Variants in KIAA1671 observed in about 807,000 individuals in gnomAD.
KIAA1671 encodes uncharacterized protein KIAA1671.
A neutral mutation model predicts 131.2 loss-of-function variants in KIAA1671; 52 were observed. That is an observed-to-expected ratio of 0.40 (90% confidence interval 0.32 to 0.50). KIAA1671 has a LOEUF of 0.50. KIAA1671 is among the 20% of genes least tolerant of loss of function. KIAA1671 has a pLI of 0.73. For synonymous variants in KIAA1671, 1,003 were observed against 961.6 expected (o/e 1.04, Z -0.80); for missense variants, 2,360 against 2,364.2 (o/e 1.00, Z 0.04).
chr22:24,957,094 A>G (rs1451288171), intron 1 of KIAA1671, among the ~76,000 whole-genome samples: 1 of 152,134 alleles, frequency 6.6e-6, no homozygotes, highest in Non-Finnish European at 1.5e-5. Flanking sequence ...CCCCGTGTCT[A>G]TGCTCTGTAA....
chr22:24,960,190 C>T (rs1486909859), intron 1 of KIAA1671, among the ~76,000 whole-genome samples: 1 of 151,384 alleles, frequency 6.6e-6, no homozygotes, highest in Admixed American at 6.6e-5. Flanking sequence ...TAATTTCACA[C>T]GTGAATTAAA....
intron 11 of KIAA1671, among the ~76,000 whole-genome samples, chr22:25,189,140 T>G (rs1359273982): frequency 4.0e-5 from 6 of 149,628 alleles, no homozygotes; most frequent in Non-Finnish European, 7.4e-5. Flanking sequence ...TTTTTTTTTT[T>G]TTTTTGTTTT....
At position 25,038,900 on chromosome 22, in the gene KIAA1671, A is replaced by G; in HGVS notation, c.1770A>G (p.Ser590=). Residue 590 remains serine, a synonymous_variant, in exon 5 of 13, where the codon TCA becomes TCG. Transcript: ENST00000358431. ...CCGACAGCTGTCGCGGTGGAAGCTC[A>G]GTGGAGGCCCCGTGCCCTTCTGACG... ...QDPDSCRGGS[S]VEAPCPSDVT... 1 of 1,551,730 alleles carries G rather than the reference A, an allele frequency of 6.4e-7. No homozygotes were observed. Among genetic ancestry groups the G allele is most frequent in the Non-Finnish European group, 8.7e-7 (1 of 1,147,006 alleles).
At chr22:25,157,890 C>G (rs1192272519) in intron 6 of KIAA1671, among the ~76,000 whole-genome samples, 1 of 151,820 alleles carries the variant, frequency 6.6e-6, no homozygotes, top group African/African-American at 2.4e-5. Flanking sequence ...GGCACGATCT[C>G]AGCTTACTGC....
chr22:25,029,505 C>T lies in KIAA1671; in HGVS notation c.1506C>T (p.Phe502=). The change falls in exon 3 of 13, where the codon TTC becomes TTT. Residue 502 remains phenylalanine (F), a synonymous_variant. Coordinates refer to ENST00000358431, the MANE Select transcript of KIAA1671 (RefSeq NM_001145206.2). ...EAKPEVRRRT[F]QARPLSADLT... is the part of the protein sequence containing the mutation. ...AGCCCGAGGTCAGGAGGAGGACGTT[C>T]CAGGCTCGGCCGCTGTCGGCGGATT... The T allele has an allele frequency of 6.5e-7, 1 of 1,548,670 alleles. No homozygotes were observed. Among genetic ancestry groups the T allele is most frequent in the Non-Finnish European group, 8.7e-7 (1 of 1,145,498 alleles).
intron 1 of KIAA1671, among the ~76,000 whole-genome samples, chr22:25,019,199 C>G (rs1925525117): frequency 6.6e-6 from 1 of 151,996 alleles, no homozygotes; most frequent in South Asian, 2.1e-4. Flanking sequence ...TGGTAGAAAT[C>G]TGACAGGAAG....
chr22:24,968,836 A>G (rs1922445086), intron 1 of KIAA1671, among the ~76,000 whole-genome samples: 1 of 152,090 alleles, frequency 6.6e-6, no homozygotes, highest in Non-Finnish European at 1.5e-5. Context: ...GATAATTTTT[A>G]TGCTCTTTTT....
At chr22:24,977,643 C>T (rs1044148378) in intron 1 of KIAA1671, among the ~76,000 whole-genome samples, 5 of 152,212 alleles carry the variant, frequency 3.3e-5, no homozygotes, top group African/African-American at 4.8e-5. Context: ...ACTGGCTTCT[C>T]GCCCTTAGAT....
At chr22:25,055,148 G>C (rs1927768805) in intron 6 of KIAA1671, 1 of 149,736 alleles carries the variant, frequency 6.7e-6, no homozygotes, top group African/African-American at 2.4e-5. Context: ...AGAGGTTTGA[G>C]AGCATTTGGA....
At chr22:25,161,418 G>T (rs1279969252) in intron 6 of KIAA1671, among the ~76,000 whole-genome samples, 1 of 152,268 alleles carries the variant, frequency 6.6e-6, no homozygotes, top group Admixed American at 6.5e-5. Context: ...GCCTGGGCCC[G>T]TGGAGGCAGC....
intron 1 of KIAA1671, among the ~76,000 whole-genome samples, chr22:24,993,253 G>A (rs1268686434): frequency 6.6e-6 from 1 of 152,106 alleles, no homozygotes; most frequent in Non-Finnish European, 1.5e-5. Context: ...GGAGTGCTAG[G>A]GAGGCAGGGT....
intron 1 of KIAA1671, among the ~76,000 whole-genome samples, chr22:25,018,772 T>C (rs1925485123): frequency 6.6e-6 from 1 of 152,238 alleles, no homozygotes; most frequent in African/African-American, 2.4e-5. Context: ...CATTCCATTG[T>C]ATAAGGATAG....
intron 4 of KIAA1671, among the ~76,000 whole-genome samples, chr22:25,034,473 C>A (rs1390950873): frequency 1.3e-5 from 2 of 149,904 alleles, no homozygotes; most frequent in African/African-American, 4.9e-5. Context: ...TTTTTTTTTG[C>A]CCTTGCTTGT....
intron 1 of KIAA1671, among the ~76,000 whole-genome samples, chr22:25,015,528 C>T (rs1209342275): frequency 6.6e-6 from 1 of 152,096 alleles, no homozygotes; most frequent in Non-Finnish European, 1.5e-5. Flanking sequence ...TAAGTTGTAA[C>T]ATTGTTTCTC....
At chr22:25,075,805 T>C (rs1423581864) in intron 6 of KIAA1671, among the ~76,000 whole-genome samples, 3 of 122,020 alleles carry the variant, frequency 2.5e-5, no homozygotes, top group African/African-American at 6.5e-5. Flanking sequence ...AGACAAAGTC[T>C]CACTCTTGTT....
At chr22:25,176,788 G>C (rs1199132807) in intron 8 of KIAA1671, 1 of 152,236 alleles carries the variant, frequency 6.6e-6, no homozygotes, top group Non-Finnish European at 1.5e-5. Flanking sequence ...CTCCGAGTGT[G>C]AGTCTTCAGG....
chr22:25,178,773 G>C (rs1256008304), intron 9 of KIAA1671, among the ~76,000 whole-genome samples: 2 of 152,084 alleles, frequency 1.3e-5, no homozygotes, highest in Non-Finnish European at 2.9e-5. Flanking sequence ...GAAAGCTGCA[G>C]CCCCCACCCA....
At chr22:25,108,450 A>T (rs1298795627) in intron 6 of KIAA1671, among the ~76,000 whole-genome samples, 1 of 152,110 alleles carries the variant, frequency 6.6e-6, no homozygotes, top group East Asian at 1.9e-4. Context: ...CATGAAGAGG[A>T]CTTCATGGTG....
intron 1 of KIAA1671, among the ~76,000 whole-genome samples, chr22:24,976,022 A>G (rs1363746531): frequency 6.6e-6 from 1 of 152,160 alleles, no homozygotes; most frequent in Non-Finnish European, 1.5e-5. Context: ...AGAGGCGGGC[A>G]TTGGGGTGGG....
Sources: allele counts gnomAD v4.1 joint callset (sites outside exome capture counted in the v4.1 genomes callset), GRCh38; gene constraint gnomAD v4.1.1; transcripts MANE v1.5; gene names NCBI Gene and HGNC (gene_info 2026-07-23, HGNC 2026-07-21).